Variants in PLG observed in about 807,000 individuals in gnomAD.
PLG encodes the protein plasminogen, also known as plasmin.
PLG carries 41 observed loss-of-function variants against 104.4 expected under a neutral mutation model. That is an observed-to-expected ratio of 0.39 (90% CI 0.31 to 0.51). PLG has a LOEUF of 0.51. Among genes scored for constraint, PLG ranks in the 20% least tolerant of loss-of-function variants. The probability of loss-of-function intolerance (pLI) is 0.76; values close to 1 mark genes in which losing one functional copy is unlikely to be tolerated. For missense variants in PLG, 891 were observed against 1,003.6 expected, an observed-to-expected ratio of 0.89 and a Z score of 1.52; for synonymous variants, 337 against 357.1, an observed-to-expected ratio of 0.94 and a Z score of 0.63.
Position 160,731,342 on chromosome 6 carries a change from T to G in PLG, c.1438+110T>G, listed in dbSNP as rs1777996471. 9.9e-7 allele frequency: 1 copy of G among 1,012,728 alleles called. No homozygotes were observed. Among genetic ancestry groups the G allele is most frequent in the Non-Finnish European group, 1.5e-6 (1 of 654,348 alleles). 62.7% of individuals were successfully genotyped at this position (1,012,728 alleles called of 1,614,324 possible). On this transcript the variant is annotated intron_variant, in intron 11 of 18. Transcript: ENST00000308192. This position sits in a 1 kb window ranked among gnomAD's most constrained non-coding sequence, Gnocchi z 5.1. ...ATGCTACACGAGAAATCAAGTGTTT[T>G]TAGAGGGTCTGCCATGTGGAAGGAA...
rs201754541 is a variant in PLG, at chr6:160,734,745, GAAAA to G, written c.1681+673_1681+676del. On this transcript the variant is annotated intron_variant, in intron 13 of 18. Coordinates refer to ENST00000308192, the MANE Select transcript of PLG (RefSeq NM_000301.5). This position sits in a 1 kb window ranked among gnomAD's most constrained non-coding sequence, Gnocchi z 4.4. The stretch of plus-strand genomic sequence containing the variant: ...GAATAACAAATCCATGGGTATTTCT[GAAAA>G]AAAAAAAAAAAAAAAGAAAGGAAGC... 7.9e-5 allele frequency among the ~76,000 whole-genome samples: 9 copies of G among 113,930 alleles called. No homozygotes were observed. In the East Asian group the frequency reaches 1.8e-3, roughly 23 times the overall value. 74.7% of individuals were successfully genotyped at this position (113,930 alleles called of 152,430 possible).
Position 160,725,088 on chromosome 6 carries a change from G to T in PLG, c.1256+2521G>T, listed in dbSNP as rs556097908. Among the ~76,000 whole-genome samples the T allele has an allele frequency of 6.6e-6, 1 of 152,158 alleles. No homozygotes were observed. Among genetic ancestry groups the T allele is most frequent in the African/African-American group, 2.4e-5 (1 of 41,500 alleles). On this transcript the variant is annotated intron_variant, in intron 10 of 18. Coordinates refer to ENST00000308192, the MANE Select transcript of PLG (RefSeq NM_000301.5). This position sits in a 1 kb window ranked among gnomAD's most constrained non-coding sequence, Gnocchi z 6.3. Reference sequence around the variant, plus strand: ...AAATTAGCTGGGCATGGTGGCACGTGCCTGTAATCCCAGCAACTCAGGAGG... The same window carrying T: ...AAATTAGCTGGGCATGGTGGCACGTTCCTGTAATCCCAGCAACTCAGGAGG...
At chr6:160,711,722 A>G (rs1281813969) in intron 4 of PLG, 7 of 1,608,280 alleles carry the variant, frequency 4.4e-6, no homozygotes, top group Admixed American at 1.7e-5. Context: ...AAAAAAATCA[A>G]TGAAACTATG....
rs2115178602 is a variant in PLG at position 160,737,356 on chromosome 6, G to A, written c.1802+349G>A. On this transcript the variant is annotated intron_variant, in intron 14 of 18. Transcript: ENST00000308192. This position sits in a 1 kb window ranked among gnomAD's most constrained non-coding sequence, Gnocchi z 4.7. ...TGTCTCATTGTCAGATGAAAAGAGG[G>A]GGAAGTTTTTAGAAATGTGACACTT... Among the ~76,000 whole-genome samples, 1 of 152,246 alleles carries A rather than the reference G, an allele frequency of 6.6e-6. No homozygotes were observed. Among genetic ancestry groups the A allele is most frequent in the South Asian group, 2.1e-4 (1 of 4,816 alleles).
intron 8 of PLG, 83 bp downstream of exon 8, chr6:160,718,539 G>A: frequency 5.9e-6 from 8 of 1,363,954 alleles, no homozygotes; most frequent in Admixed American, 1.7e-5. Flanking sequence ...CTGTAGGAAC[G>A]CAGGATAAAG....
intron 17 of PLG, among the ~76,000 whole-genome samples, chr6:160,751,284 G>A (rs1200363166): frequency 6.6e-6 from 1 of 152,184 alleles, no homozygotes; most frequent in East Asian, 1.9e-4. Context: ...AACACGCATG[G>A]GGAGGAAGCA....
intron 10 of PLG, among the ~76,000 whole-genome samples, chr6:160,727,536 T>C (rs938722093): frequency 1.3e-5 from 2 of 151,190 alleles, no homozygotes; most frequent in East Asian, 1.9e-4. Flanking sequence ...AACATAAATA[T>C]AAAAAGATGT....
rs768201749 is a variant in PLG, at chr6:160,707,769, C to G, written c.255C>G (p.Ile85Met). Residue 85 changes from isoleucine to methionine, a missense_variant, in exon 3 of 19, where the codon ATC becomes ATG. By Grantham distance (10) the Ile-to-Met change is conservative (BLOSUM62 1). Coordinates refer to ENST00000308192, the MANE Select transcript of PLG (RefSeq NM_000301.5). ...CTGAAAACAGGAAGTCCTCCATAAT[C>G]ATTAGGATGAGAGATGTAGTTTTAT... Reference protein sequence around the residue: ...IMAENRKSSIIIRMRDVVLFE... With the variant: ...IMAENRKSSIMIRMRDVVLFE... The G allele has an allele frequency of 6.2e-7, 1 of 1,611,470 alleles. No homozygotes were observed. The highest frequency in any genetic ancestry group is 2.2e-5 in the East Asian group (1 of 44,852).
chr6:160,722,433 C>A lies in PLG; in HGVS notation c.1122C>A (p.Val374=). 1 of 1,612,500 alleles carries A rather than the reference C, an allele frequency of 6.2e-7. No homozygotes were observed. The highest frequency in any genetic ancestry group is 8.5e-7 in the Non-Finnish European group (1 of 1,178,660). Residue 374 remains valine (V), a synonymous_variant, in exon 10 of 19, where the codon GTC becomes GTA. Transcript: ENST00000308192. ...CACCACCTGAGCTAACCCCTGTGGT[C>A]CAGGACTGCTACCATGGTGATGGAC... is the stretch of plus-strand genomic sequence containing the variant. The part of the protein sequence containing the change: ...PTAPPELTPV[V]QDCYHGDGQS...
rs768371532 is a variant in PLG at position 160,738,584 on chromosome 6, GTGT to G, written c.1852_1854del (p.Leu618del). ...AGGCACCTTGATATCCCCAGAGTGG[GTGT>G]TGACTGCTGCCCACTGCTTGGAGAA... On this transcript the variant is annotated inframe_deletion, in exon 15 of 19. Coordinates refer to ENST00000308192, the MANE Select transcript of PLG (RefSeq NM_000301.5). This position sits in a 1 kb window ranked among gnomAD's most constrained non-coding sequence, Gnocchi z 6.8. 1 of 1,611,318 alleles carries G rather than the reference GTGT, an allele frequency of 6.2e-7. No homozygotes were observed. The highest frequency in any genetic ancestry group is 8.5e-7 in the Non-Finnish European group (1 of 1,177,398).
In PLG at chr6:160,707,810, A is replaced by T; in HGVS notation, c.292+4A>T. The T allele has an allele frequency of 6.2e-7, 1 of 1,606,270 alleles. No homozygotes were observed. Among genetic ancestry groups the T allele is most frequent in the Non-Finnish European group, 8.5e-7 (1 of 1,174,640 alleles). Reference sequence around the variant, plus strand: ...GTAGTTTTATTTGAAAAGAAAGGTGAGTACATTTTCTTCCTCCTCCTCCTA... The same window carrying T: ...GTAGTTTTATTTGAAAAGAAAGGTGTGTACATTTTCTTCCTCCTCCTCCTA... On this transcript the variant is annotated splice_donor_region_variant and intron_variant, in intron 3 of 18. Coordinates refer to ENST00000308192, the MANE Select transcript of PLG (RefSeq NM_000301.5).
At chr6:160,730,862 T>G (rs1395021557) in intron 10 of PLG, 189 bp from the exon 11 acceptor site, 1 of 575,564 alleles carries the variant, frequency 1.7e-6, no homozygotes. Context: ...AATTAAAATC[T>G]GTCTTTGAAA....
In PLG at chr6:160,738,247, C is replaced by T. The variant is rs985786640; in HGVS notation, c.1803-291C>T. ...GAGTCCTGGGCTGTGGGGTGAAAGC[C>T]GTGGCTGTAGAGCTTCATGCGGAGT... On this transcript the variant is annotated intron_variant, in intron 14 of 18. Transcript: ENST00000308192. The surrounding 1 kb of genome is among the most constrained non-coding windows in gnomAD (Gnocchi z 6.8). Among the ~76,000 whole-genome samples the T allele has an allele frequency of 6.6e-6, 1 of 152,140 alleles. No homozygotes were observed. Among genetic ancestry groups the T allele is most frequent in the Non-Finnish European group, 1.5e-5 (1 of 68,024 alleles).
rs536043565 is a variant in PLG at position 160,739,214 on chromosome 6, C to T, written c.2018+6C>T. On this transcript the variant is annotated splice_donor_region_variant and intron_variant, in intron 16 of 18. Transcript: ENST00000308192. The surrounding 1 kb of genome is among the most constrained non-coding windows in gnomAD (Gnocchi z 4.4). ...GCCTTGCTAAAGCTAAGCAGGTACTCGTTCACCTGTGGTCTTCACCCCACG... is the reference window on the plus strand; with the variant it reads ...GCCTTGCTAAAGCTAAGCAGGTACTTGTTCACCTGTGGTCTTCACCCCACG... 25 of 1,614,098 alleles carry T rather than the reference C, an allele frequency of 1.5e-5. No individual in the cohort carries two copies. In the East Asian group the frequency reaches 2.5e-4, roughly 16 times the overall value.
intron 17 of PLG, among the ~76,000 whole-genome samples, chr6:160,745,089 T>C (rs749704071): frequency 5.3e-5 from 8 of 152,198 alleles, no homozygotes; most frequent in Non-Finnish European, 7.4e-5. Context: ...GGTTGATTTT[T>C]AGAGTATGTG....
rs1398499945 is a variant in PLG, at chr6:160,723,845, C to A, written c.1256+1278C>A. Among the ~76,000 whole-genome samples, 1 of 152,162 alleles carries A rather than the reference C, an allele frequency of 6.6e-6. No individual in the cohort carries two copies. Among genetic ancestry groups the A allele is most frequent in the Non-Finnish European group, 1.5e-5 (1 of 68,024 alleles). ...CCTGAGGAGAGACCTCGCTGAACAT[C>A]TTGGGCATTCAGTAGTCACCACATA... is the stretch of plus-strand genomic sequence containing the variant. On this transcript the variant is annotated intron_variant, in intron 10 of 18. Transcript: ENST00000308192. The surrounding 1 kb of genome is among the most constrained non-coding windows in gnomAD (Gnocchi z 4.7).
At chr6:160,730,202 T>C (rs186800032) in intron 10 of PLG, among the ~76,000 whole-genome samples, 5 of 152,368 alleles carry the variant, frequency 3.3e-5, no homozygotes, top group Admixed American at 3.3e-4. Context: ...ACTCCGTTGT[T>C]TTCGGACTCC....
At position 160,736,892 on chromosome 6, in the gene PLG, C is replaced by G; in HGVS notation, c.1687C>G (p.Pro563Ala). The change falls in exon 14 of 19, where the codon CCT becomes GCT. Residue 563 changes from proline to alanine, a missense_variant. By Grantham distance (27) the Pro-to-Ala change is conservative. Transcript: ENST00000308192. The surrounding 1 kb of genome is among the most constrained non-coding windows in gnomAD (Gnocchi z 5.2). ...DYCDVPQCAA[P>A]SFDCGKPQVE... Reference sequence around the variant, plus strand: ...TTTCCCACCTTGTGCCACAGCGGCCCCTTCATTTGATTGTGGGAAGCCTCA... The same window carrying G: ...TTTCCCACCTTGTGCCACAGCGGCCGCTTCATTTGATTGTGGGAAGCCTCA... 6.2e-7 allele frequency: 1 copy of G among 1,613,886 alleles called. No homozygotes were observed. The highest frequency in any genetic ancestry group is 8.5e-7 in the Non-Finnish European group (1 of 1,179,866).
At chr6:160,733,947 C>T (rs766409574) in intron 12 of PLG, 48 bp from the exon 13 acceptor site, 3 of 975,346 alleles carry the variant, frequency 3.1e-6, no homozygotes, top group Non-Finnish European at 5.0e-6. Flanking sequence ...CACCTTCTCC[C>T]TCTCCTGCCC....
Sources: allele counts gnomAD v4.1 joint callset (sites outside exome capture counted in the v4.1 genomes callset), GRCh38; gene constraint gnomAD v4.1.1; non-coding constraint Gnocchi (gnomAD v3.1); transcripts MANE v1.5; gene names NCBI Gene and HGNC (gene_info 2026-07-23, HGNC 2026-07-21).